AVL9: variants seen among roughly 807,000 people sequenced by gnomAD.
The protein encoded by AVL9 is AVL9 cell migration associated, also known as late secretory pathway protein AVL9 homolog.
Under a neutral mutation model 79.2 loss-of-function variants are expected in AVL9, and 49 were observed. The ratio of observed to expected loss-of-function variants is 0.62; its 90% CI spans 0.49 to 0.79. The LOEUF (loss-of-function observed/expected upper bound fraction) is 0.79. AVL9 is among the 30% of genes least tolerant of loss of function. AVL9 has a pLI of 0.00. For synonymous variants in AVL9, 299 were observed against 280.6 expected, an observed-to-expected ratio of 1.07 and a Z score of -0.65; for missense variants, 682 against 776.8, an observed-to-expected ratio of 0.88 and a Z score of 1.45.
chr7:32,560,448 C>T (rs1408110890), intron 10 of AVL9, among the ~76,000 whole-genome samples: 2 of 152,250 alleles, frequency 1.3e-5, no homozygotes, highest in South Asian at 4.1e-4. Flanking sequence ...AAACCACTCT[C>T]CTTATTCATC....
At chr7:32,531,245 G>A (rs13228804) in intron 1 of AVL9, among the ~76,000 whole-genome samples, 50,716 of 151,724 alleles carry the variant, frequency 0.33, 8,707 homozygotes, top group South Asian at 0.44. Flanking sequence ...GGCTTTAAGC[G>A]GTAATTATTT....
intron 1 of AVL9, among the ~76,000 whole-genome samples, chr7:32,512,683 TA>T (rs768933063): frequency 1.3e-5 from 2 of 152,196 alleles, no homozygotes; most frequent in Non-Finnish European, 2.9e-5. Context: ...CCAAAGCTGG[TA>T]CACTCTCTGC....
Position 32,495,560 on chromosome 7 carries a change from A to G in AVL9, c.-150A>G. 2.3e-6 allele frequency: 1 copy of G among 434,324 alleles called. No homozygotes were observed. The highest frequency in any genetic ancestry group is 3.6e-5 in the East Asian group (1 of 28,022). The allele number at this position is 434,324 out of a possible 1,614,324, so 26.9% of individuals were successfully genotyped here. A position where few individuals can be genotyped will look rare whatever the true frequency, so the allele number is the denominator to read the frequency against. ...CGGCCGTGGCCCTGGGGGCGGCGGG[A>G]GCTGCTTTGCCTCCACCGATCTCCC... On this transcript the variant is annotated 5_prime_UTR_variant, in exon 1 of 16. Transcript: ENST00000318709.
At chr7:32,522,432 T>A (rs1788203008) in intron 1 of AVL9, among the ~76,000 whole-genome samples, 1 of 152,206 alleles carries the variant, frequency 6.6e-6, no homozygotes, top group African/African-American at 2.4e-5. Flanking sequence ...AACATTTGAC[T>A]GCCCCACTGA....
At chr7:32,551,456 C>T (rs748484889) in intron 5 of AVL9, 33 bp downstream of exon 5, 2 of 1,238,342 alleles carry the variant, frequency 1.6e-6, no homozygotes, top group Admixed American at 1.8e-5. Flanking sequence ...ATGTGTTTGG[C>T]TGAAGATAGA....
intron 8 of AVL9, among the ~76,000 whole-genome samples, chr7:32,556,730 G>A (rs1265608552): frequency 1.3e-5 from 2 of 151,986 alleles, no homozygotes; most frequent in Non-Finnish European, 2.9e-5. Context: ...TTCATGTTAT[G>A]CAGCCATCAT....
chr7:32,572,987 A>G (rs1790925839), intron 11 of AVL9, among the ~76,000 whole-genome samples: 1 of 152,100 alleles, frequency 6.6e-6, no homozygotes, highest in Non-Finnish European at 1.5e-5. Context: ...TACTATATTT[A>G]TGTGTGTATT....
rs10610945 is a variant in AVL9 at position 32,545,364 on chromosome 7, C to CTTTTTTTTTTTTTTTTTTT, written c.300+592_300+610dup. 9.5e-5 allele frequency among the ~76,000 whole-genome samples: 7 copies of CTTTTTTTTTTTTTTTTTTT among 73,350 alleles called. 1 individual carries two copies. Among genetic ancestry groups the CTTTTTTTTTTTTTTTTTTT allele is most frequent in the African/African-American group, 3.8e-4 (7 of 18,208 alleles). 48.1% of individuals were successfully genotyped at this position (73,350 alleles called of 152,430 possible). Reference sequence around the variant, plus strand: ...GCTGTCCTATTTATCTCTAAGATTTCTTTTTTTTTTTTTTTTTTTTTTTTT... The same window carrying CTTTTTTTTTTTTTTTTTTT: ...GCTGTCCTATTTATCTCTAAGATTTCTTTTTTTTTTTTTTTTTTTTTTTTTTTTTTTTTTTTTTTTTTTT... On this transcript the variant is annotated intron_variant, in intron 3 of 15. Transcript: ENST00000318709.
At chr7:32,517,811 GTTT>G (rs143487006) in intron 1 of AVL9, among the ~76,000 whole-genome samples, 8 of 128,638 alleles carry the variant, frequency 6.2e-5, no homozygotes, top group African/African-American at 2.2e-4. Flanking sequence ...TTGCTTGTGT[GTTT>G]TTTTTTTGTT....
intron 1 of AVL9, chr7:32,531,787 C>G (rs1022119496): frequency 1.3e-5 from 2 of 152,634 alleles, no homozygotes; most frequent in African/African-American, 4.8e-5. Flanking sequence ...CTTTTGGACA[C>G]CGGCAGGAGC....
chr7:32,534,518 TACAC>T (rs1372013837), intron 1 of AVL9: 1 of 152,088 alleles, frequency 6.6e-6, no homozygotes, highest in African/African-American at 2.4e-5. Flanking sequence ...ACTTCAGACT[TACAC>T]ACTTCATTCC....
intron 1 of AVL9, among the ~76,000 whole-genome samples, chr7:32,502,509 T>C (rs963264365): frequency 2.0e-5 from 3 of 152,134 alleles, no homozygotes; most frequent in African/African-American, 7.2e-5. Flanking sequence ...AATTGAATTA[T>C]ATTTTAAAAT....
Position 32,549,230 on chromosome 7 carries a change from A to AT in AVL9, c.372+324dup, listed in dbSNP as rs1158604841. ...AAAATTTTATATATATATATATATA[A>AT]TTTTTTTTTTTTGAGACAGAGTCTC... On this transcript the variant is annotated intron_variant, in intron 4 of 15. Transcript: ENST00000318709. Among the ~76,000 whole-genome samples the AT allele has an allele frequency of 3.3e-4, 44 of 134,506 alleles. 1 individual carries two copies. The highest frequency in any genetic ancestry group is 9.4e-4 in the South Asian group (4 of 4,248). The allele number at this position is 134,506 out of a possible 152,430, so 88.2% of individuals were successfully genotyped here.
chr7:32,532,385 A>C (rs1009540644), intron 1 of AVL9: 1 of 152,222 alleles, frequency 6.6e-6, no homozygotes, highest in African/African-American at 2.4e-5. Context: ...ACTTTGGGCC[A>C]CGGGTTTCAG....
intron 1 of AVL9, among the ~76,000 whole-genome samples, chr7:32,506,505 T>A (rs954821301): frequency 3.9e-5 from 6 of 152,144 alleles, no homozygotes; most frequent in Non-Finnish European, 8.8e-5. Flanking sequence ...AGTGTAAGAT[T>A]TCATCATGCT....
chr7:32,579,424 TATAA>T lies in AVL9; in HGVS notation c.1689-794_1689-791del, dbSNP rs1791279765. 1.9e-3 allele frequency among the ~76,000 whole-genome samples: 10 copies of T among 5,370 alleles called. 2 individuals are homozygous for T. The highest frequency in any genetic ancestry group is 6.1e-3 in the African/African-American group (5 of 824). The allele number at this position is 5,370 out of a possible 152,430, so 3.5% of individuals were successfully genotyped here. ...TATATTATATATAATATGTTATATA[TATAA>T]TATATATATTATATATAATATATTA... On this transcript the variant is annotated intron_variant, in intron 13 of 15. Coordinates refer to ENST00000318709, the MANE Select transcript of AVL9 (RefSeq NM_015060.3).
chr7:32,518,023 G>A (rs1441113550), intron 1 of AVL9, among the ~76,000 whole-genome samples: 3 of 151,944 alleles, frequency 2.0e-5, no homozygotes, highest in African/African-American at 7.3e-5. Flanking sequence ...TGGAGACGGA[G>A]TTTCACCATG....
At chr7:32,573,550 A>G (rs955823954) in intron 12 of AVL9, 132 bp downstream of exon 12, 2 of 788,734 alleles carry the variant, frequency 2.5e-6, no homozygotes, top group African/African-American at 3.5e-5. Flanking sequence ...CCCTCATACA[A>G]AGATAGCCAC....
At chr7:32,527,621 G>T (rs925005266) in intron 1 of AVL9, among the ~76,000 whole-genome samples, 3 of 152,172 alleles carry the variant, frequency 2.0e-5, no homozygotes, top group African/African-American at 7.2e-5. Flanking sequence ...TGAATTGTCT[G>T]TAAGTCTTGC....
Sources: gnomAD v4.1 joint callset for allele counts (sites outside exome capture counted in the v4.1 genomes callset) on GRCh38, gnomAD v4.1.1 for gene constraint, MANE v1.5 for transcripts, NCBI Gene and HGNC (gene_info 2026-07-23, HGNC 2026-07-21) for gene names.